Variants in PIGN observed in about 807,000 individuals in gnomAD.
The protein encoded by PIGN is GPI ethanolamine phosphate transferase 1.
Under a neutral mutation model 125.4 loss-of-function variants are expected in PIGN, and 117 were observed. The ratio of observed to expected loss-of-function variants is 0.93; its 90% CI spans 0.80 to 1.09. PIGN has a LOEUF of 1.09. Among genes scored for constraint, PIGN ranks in the 50% least tolerant of loss-of-function variants. The pLI is 0.00. For synonymous variants in PIGN, 392 were observed against 377.8 expected, an observed-to-expected ratio of 1.04 and a Z score of -0.44; for missense variants, 1,075 against 1,094.9, an observed-to-expected ratio of 0.98 and a Z score of 0.26.
chr18:62,037,414 C>T (rs1030673730), downstream of PIGN, among the ~76,000 whole-genome samples: 8 of 152,268 alleles, frequency 5.3e-5, no homozygotes, highest in Non-Finnish European at 1.0e-4. Context: ...GGCCTGTCCA[C>T]ATGAAAGCCC....
intron 14 of PIGN, among the ~76,000 whole-genome samples, chr18:62,115,481 T>C (rs2035053912): frequency 1.3e-5 from 2 of 152,172 alleles, no homozygotes; most frequent in African/African-American, 4.8e-5. Context: ...AAGGCTATAT[T>C]AGGTTGGATC....
intron 30 of PIGN, chr18:62,070,562 C>T: frequency 2.5e-6 from 1 of 397,608 alleles, no homozygotes; most frequent in Non-Finnish European, 4.4e-6. Context: ...CTCCTGCAAA[C>T]CCATACAATT....
chr18:62,142,604 TG>T (rs1311504859), intron 11 of PIGN, among the ~76,000 whole-genome samples: 3 of 152,170 alleles, frequency 2.0e-5, no homozygotes, highest in Non-Finnish European at 4.4e-5. Flanking sequence ...CCCTAGACCT[TG>T]GTTTGTCCAC....
intron 25 of PIGN, among the ~76,000 whole-genome samples, chr18:62,087,583 C>T (rs1295884416): frequency 6.6e-6 from 1 of 152,054 alleles, no homozygotes; most frequent in Non-Finnish European, 1.5e-5. Flanking sequence ...GGGTAAAGTG[C>T]TTTAATAGTA....
chr18:62,079,959 G>C (rs1237609970), intron 28 of PIGN, among the ~76,000 whole-genome samples: 1 of 152,048 alleles, frequency 6.6e-6, no homozygotes, highest in Non-Finnish European at 1.5e-5. Flanking sequence ...TAATAATTCT[G>C]ATTCAAATTT....
At chr18:62,038,980 A>G (rs980201104), downstream of PIGN, among the ~76,000 whole-genome samples, 1 of 151,368 alleles carries the variant, frequency 6.6e-6, no homozygotes, top group South Asian at 2.1e-4. Flanking sequence ...TAATTGATTG[A>G]AAGTAATTCA....
intron 30 of PIGN, among the ~76,000 whole-genome samples, chr18:62,063,520 T>C (rs567443523): frequency 2.6e-5 from 4 of 151,416 alleles, no homozygotes; most frequent in African/African-American, 9.7e-5. Flanking sequence ...ATCCAAATTA[T>C]TTATCACATA....
At position 62,045,905 on chromosome 18, in the gene PIGN, G is replaced by A. The variant is rs753641623; in HGVS notation, c.2747C>T (p.Thr916Ile). 6 of 1,613,820 alleles carry A rather than the reference G, an allele frequency of 3.7e-6. No homozygotes were observed. The East Asian group carries it at 8.9e-5, about 24-fold the overall frequency. ...GCCACATAGTCTGAGTTTCTTCGTT[G>A]TGAGCAGCTGGGCCAGGCCATTGAG... The part of the protein sequence containing the change: ...VFLNGLAQLL[T>I]TKKLRLCGKP... The change falls in exon 31 of 31, where the codon ACA (threonine) becomes ATA (isoleucine). Residue 916 changes from threonine (T) to isoleucine (I), a missense_variant. Thr to Ile is a moderately conservative substitution (Grantham distance 89, BLOSUM62 -1). This residue lies in a region of PIGN where 915 missense variants were observed against 908.7 expected (regional missense o/e 1.01). Transcript: ENST00000640252.
Position 62,138,221 on chromosome 18 carries a change from T to A in PIGN, c.1172+22A>T, listed in dbSNP as rs767025564. On this transcript the variant is annotated intron_variant, in intron 14 of 30. Transcript: ENST00000640252. Reference sequence around the variant, plus strand: ...TGGAAAATTCTTTCCTTCAAGTTAATAAAAAAATGTAAGGGACTTACTTAA... The same window carrying A: ...TGGAAAATTCTTTCCTTCAAGTTAAAAAAAAAATGTAAGGGACTTACTTAA... 3.9e-6 allele frequency: 6 copies of A among 1,538,822 alleles called. No individual in the cohort carries two copies. The East Asian group carries it at 1.5e-4, about 38-fold the overall frequency.
intron 23 of PIGN, among the ~76,000 whole-genome samples, chr18:62,093,379 G>A (rs1027176123): frequency 2.0e-5 from 3 of 152,010 alleles, no homozygotes; most frequent in African/African-American, 7.2e-5. Context: ...CTGTATATCT[G>A]CATTAATAAA....
chr18:62,114,865 A>T (rs548659826), intron 14 of PIGN, among the ~76,000 whole-genome samples: 23 of 152,212 alleles, frequency 1.5e-4, no homozygotes, highest in Non-Finnish European at 4.4e-5. Flanking sequence ...GCCAAACTAC[A>T]CTTATGAAAG....
chr18:62,087,186 AG>A (rs1157301008), intron 25 of PIGN, among the ~76,000 whole-genome samples: 3 of 152,246 alleles, frequency 2.0e-5, no homozygotes, highest in Non-Finnish European at 4.4e-5. Context: ...TGGAGAAAAA[AG>A]TATGGCTGAA....
At chr18:62,097,310 AAC>A (rs2034250696) in intron 22 of PIGN, among the ~76,000 whole-genome samples, 1 of 134,260 alleles carries the variant, frequency 7.4e-6, no homozygotes, top group Admixed American at 7.9e-5. Flanking sequence ...GCAGCCAAAA[AAC>A]ACATGAAGAA....
At chr18:62,178,356 T>G (rs1159582464) in intron 1 of PIGN, among the ~76,000 whole-genome samples, 1 of 151,866 alleles carries the variant, frequency 6.6e-6, no homozygotes, top group Non-Finnish European at 1.5e-5. Flanking sequence ...TTATGCTTGT[T>G]TCAGTGGAGG....
intron 1 of PIGN, among the ~76,000 whole-genome samples, chr18:62,167,699 C>CATAT: frequency 6.9e-6 from 1 of 145,606 alleles, no homozygotes; most frequent in Middle Eastern, 3.6e-3. Context: ...TCTCTCTCTA[C>CATAT]ATATATATAT....
At chr18:62,062,595 C>T (rs1056443906) in intron 30 of PIGN, among the ~76,000 whole-genome samples, 2 of 151,446 alleles carry the variant, frequency 1.3e-5, no homozygotes, top group African/African-American at 2.4e-5. Flanking sequence ...AGGAAGTCTC[C>T]GGGAAATCAG....
At chr18:62,144,755 C>T (rs137918422) in intron 10 of PIGN, among the ~76,000 whole-genome samples, 2 of 152,150 alleles carry the variant, frequency 1.3e-5, no homozygotes, top group Non-Finnish European at 2.9e-5. Context: ...ATTCATAAAG[C>T]TATACATTTA....
intron 30 of PIGN, 125 bp from the exon 31 acceptor site, chr18:62,046,104 C>G: frequency 1.1e-6 from 1 of 940,394 alleles, no homozygotes; most frequent in African/African-American, 1.6e-5. Context: ...AGTGGGTGTT[C>G]TTTACCTTAT....
intron 22 of PIGN, among the ~76,000 whole-genome samples, chr18:62,100,857 C>A (rs1294689554): frequency 6.6e-6 from 1 of 152,104 alleles, no homozygotes; most frequent in Non-Finnish European, 1.5e-5. Flanking sequence ...TTATTATCAG[C>A]TCATAAATAT....
Sources: allele counts gnomAD v4.1 joint callset (sites outside exome capture counted in the v4.1 genomes callset), GRCh38; gene constraint gnomAD v4.1.1; regional missense constraint gnomAD v4.1.1; transcripts MANE v1.5; gene names NCBI Gene and HGNC (gene_info 2026-07-23, HGNC 2026-07-21).